Variants in PPP6R2 observed in about 807,000 individuals in gnomAD.
PPP6R2 encodes serine/threonine-protein phosphatase 6 regulatory subunit 2.
PPP6R2 carries 62 observed loss-of-function variants against 100.2 expected under a neutral mutation model. The ratio of observed to expected loss-of-function variants is 0.62; its 90% CI spans 0.50 to 0.76. The LOEUF (loss-of-function observed/expected upper bound fraction) is 0.76, where lower values mean the gene tolerates loss of function less well. Among genes scored for constraint, PPP6R2 ranks in the 30% least tolerant of loss-of-function variants. PPP6R2 has a pLI of 0.00. For missense variants in PPP6R2, 1,142 were observed against 1,276.3 expected (o/e 0.89, Z 1.60); for synonymous variants, 525 against 514.7 (o/e 1.02, Z -0.27).
intron 1 of PPP6R2, among the ~76,000 whole-genome samples, chr22:50,355,035 GCC>G (rs2046166128): frequency 1.3e-5 from 2 of 151,622 alleles, no homozygotes; most frequent in Non-Finnish European, 2.9e-5. Flanking sequence ...TGGAGACAGG[GCC>G]TTGCTCTATT....
chr22:50,437,886 G>A lies in PPP6R2; in HGVS notation c.1825G>A (p.Ala609Thr), dbSNP rs1281757870. 6.4e-7 allele frequency: 1 copy of A among 1,555,598 alleles called. No homozygotes were observed. Among genetic ancestry groups the A allele is most frequent in the East Asian group, 2.4e-5 (1 of 41,144 alleles). The part of the protein sequence containing the change: ...RIAEINFNID[A>T]DEDSPSAALF... ...CGCAGAGATCAACTTCAACATCGAC[G>A]CTGACGAGGACAGTGTGAGCAAGCC... The change falls in exon 17 of 24, where the codon GCT becomes ACT. Residue 609 changes from alanine (A) to threonine (T), a missense_variant. Physicochemically the swap from Ala to Thr is moderately conservative, Grantham distance 58. Transcript: ENST00000612753.
intron 21 of PPP6R2, among the ~76,000 whole-genome samples, chr22:50,440,548 C>A (rs538190882): frequency 6.6e-6 from 1 of 152,196 alleles, no homozygotes. Flanking sequence ...CCACACGAGG[C>A]GGAGTGGGCC....
chr22:50,395,380 G>A (rs1342474107), intron 3 of PPP6R2, among the ~76,000 whole-genome samples: 1 of 152,096 alleles, frequency 6.6e-6, no homozygotes, highest in Non-Finnish European at 1.5e-5. Flanking sequence ...GCGAGAGGGA[G>A]AACAGGGCGG....
At chr22:50,379,410 T>C (rs1389773409) in intron 2 of PPP6R2, among the ~76,000 whole-genome samples, 2 of 152,022 alleles carry the variant, frequency 1.3e-5, no homozygotes, top group Middle Eastern at 3.2e-3. Flanking sequence ...GGTGGGAGTA[T>C]CACTTGAGCC....
At position 50,378,132 on chromosome 22, in the gene PPP6R2, AAC is replaced by A. The variant is rs1265303802; in HGVS notation, c.-17+5986_-17+5987del. 4.6e-5 allele frequency among the ~76,000 whole-genome samples: 7 copies of A among 152,338 alleles called. No individual in the cohort carries two copies. The East Asian group carries it at 1.4e-3, about 29-fold the overall frequency. On this transcript the variant is annotated intron_variant, in intron 2 of 23. Transcript: ENST00000612753. ...AAGAGTGTTCTTAAAATAAACGAAA[AAC>A]ACAGATCAACTTTATCTGAGCAGCA...
intron 1 of PPP6R2, among the ~76,000 whole-genome samples, chr22:50,359,140 T>A (rs980012007): frequency 1.3e-5 from 2 of 150,476 alleles, no homozygotes; most frequent in Admixed American, 1.3e-4. Context: ...GCTGGGATTA[T>A]GGGCACCAGC....
At chr22:50,369,438 T>G (rs1297720108) in intron 1 of PPP6R2, among the ~76,000 whole-genome samples, 2 of 152,116 alleles carry the variant, frequency 1.3e-5, no homozygotes, top group African/African-American at 4.8e-5. Flanking sequence ...CTTTTTTGTT[T>G]GATTTTTATT....
Position 50,413,992 on chromosome 22 carries a change from G to A in PPP6R2, c.415-560G>A, listed in dbSNP as rs183565693. On this transcript the variant is annotated intron_variant, in intron 4 of 23. Transcript: ENST00000612753. ...GTGCTGTGCCCCCCCATGGCCTCAC[G>A]CTTAGCTGTCTACACCTTGTTGGCA... Among the ~76,000 whole-genome samples, 804 of 152,318 alleles carry A rather than the reference G, an allele frequency of 5.3e-3. 6 individuals carry two copies. Among genetic ancestry groups the A allele is most frequent in the African/African-American group, 0.017 (719 of 41,562 alleles).
At position 50,439,877 on chromosome 22, in the gene PPP6R2, G is replaced by A; in HGVS notation, c.2285+20G>A. The stretch of plus-strand genomic sequence containing the variant: ...CTGCTGGTAACAAATGCGCTGGCAG[G>A]AGGGGGCTGTGCCAGGAAGTGCCTG... On this transcript the variant is annotated intron_variant, in intron 20 of 23. Coordinates refer to ENST00000612753, the MANE Select transcript of PPP6R2 (RefSeq NM_001242898.2). The A allele has an allele frequency of 6.2e-7, 1 of 1,609,808 alleles. No homozygotes were observed. The highest frequency in any genetic ancestry group is 8.5e-7 in the Non-Finnish European group (1 of 1,177,042).
chr22:50,410,705 C>T (rs1169323132), intron 4 of PPP6R2, among the ~76,000 whole-genome samples: 1 of 151,916 alleles, frequency 6.6e-6, no homozygotes, highest in South Asian at 2.1e-4. Flanking sequence ...ATCATATTCA[C>T]ATACATCAGT....
chr22:50,438,057 C>T lies in PPP6R2; in HGVS notation c.1840-117C>T, dbSNP rs867796144. On this transcript the variant is annotated intron_variant, in intron 17 of 23. Transcript: ENST00000612753. ...GCTTTCCTTGCCCCTCCCCGTCCTC[C>T]CCTCCAGCCCGGGGCTCCCACATCC... 4.7e-5 allele frequency: 70 copies of T among 1,503,436 alleles called. No individual in the cohort carries two copies. The African/African-American group carries it at 9.1e-4, about 19-fold the overall frequency. The allele number at this position is 1,503,436 out of a possible 1,614,324, so 93.1% of individuals were successfully genotyped here.
At chr22:50,370,698 A>G (rs2049983948) in intron 1 of PPP6R2, among the ~76,000 whole-genome samples, 1 of 150,600 alleles carries the variant, frequency 6.6e-6, no homozygotes. Context: ...CAGTGGCGTG[A>G]TCTCGGCTCA....
At chr22:50,333,633 C>T in the PPP6R2 span, among the ~76,000 whole-genome samples, 93 of 152,326 alleles carry the variant, frequency 6.1e-4, no homozygotes, top group African/African-American at 2.1e-3. Flanking sequence ...CGCCTGGCCC[C>T]AGCTTTGCTC....
intron 3 of PPP6R2, among the ~76,000 whole-genome samples, chr22:50,406,239 G>A (rs2058928944): frequency 1.3e-5 from 2 of 149,364 alleles, no homozygotes; most frequent in African/African-American, 5.0e-5. Flanking sequence ...CCTGGAGAGA[G>A]GTGAGAGACC....
At chr22:50,347,407 C>T (rs1031356950) in intron 1 of PPP6R2, among the ~76,000 whole-genome samples, 3 of 151,958 alleles carry the variant, frequency 2.0e-5, no homozygotes, top group African/African-American at 7.3e-5. Flanking sequence ...TTTCCTGTCG[C>T]GCTCCCCATC....
rs371839926 is a variant in PPP6R2, at chr22:50,439,703, G to C, written c.2131G>C (p.Ala711Pro). 2 of 1,587,944 alleles carry C rather than the reference G, an allele frequency of 1.3e-6. No homozygotes were observed. The highest frequency in any genetic ancestry group is 3.5e-5 in the Admixed American group (2 of 56,814). ...APPVEGDSEGAMWTAVFDEPA... is the reference protein window; with the variant it reads ...APPVEGDSEGPMWTAVFDEPA... Reference sequence around the variant, plus strand: ...CCACTGTGTCTCTCCCCCAGCAGGCGCCATGTGGACGGCAGTGTTTGATGA... The same window carrying C: ...CCACTGTGTCTCTCCCCCAGCAGGCCCCATGTGGACGGCAGTGTTTGATGA... Residue 711 changes from alanine to proline, a missense_variant and splice_region_variant, in exon 20 of 24, where the codon GCC becomes CCC. Coordinates refer to ENST00000612753, the MANE Select transcript of PPP6R2 (RefSeq NM_001242898.2).
At chr22:50,430,999 C>T (rs186817233) in intron 10 of PPP6R2, among the ~76,000 whole-genome samples, 174 bp from the exon 11 acceptor site, 2 of 152,054 alleles carry the variant, frequency 1.3e-5, no homozygotes, top group African/African-American at 4.8e-5. Context: ...GAAGAAGCTC[C>T]GTAATAGAGA....
At chr22:50,398,581 T>C (rs2057506135) in intron 3 of PPP6R2, among the ~76,000 whole-genome samples, 2 of 150,092 alleles carry the variant, frequency 1.3e-5, no homozygotes, top group Non-Finnish European at 3.0e-5. Flanking sequence ...AGTGGCGCGA[T>C]CTTGGCTCAC....
intron 3 of PPP6R2, 32 bp downstream of exon 3, chr22:50,394,167 C>CCAGGCAGTGCTGCAGGCAGGCCG: frequency 6.2e-7 from 1 of 1,606,308 alleles, no homozygotes. Context: ...GGCCAGTACG[C>CCAGGCAGTGCTGCAGGCAGGCCG]CAGGCAGTGC....
Sources: allele counts gnomAD v4.1 joint callset (sites outside exome capture counted in the v4.1 genomes callset), GRCh38; gene constraint gnomAD v4.1.1; transcripts MANE v1.5; gene names NCBI Gene and HGNC (gene_info 2026-07-23, HGNC 2026-07-21).